CACNA1B: variants seen among roughly 807,000 people sequenced by gnomAD.
The protein encoded by CACNA1B is voltage-dependent N-type calcium channel subunit alpha-1B.
CACNA1B carries 70 observed loss-of-function variants against 247.2 expected under a neutral mutation model. The observed-to-expected ratio is 0.28, with a 90% CI of 0.23 to 0.35. CACNA1B has a LOEUF of 0.35. CACNA1B is among the 10% of genes least tolerant of loss of function. CACNA1B has a pLI of 1.00. For synonymous variants in CACNA1B, 1,231 were observed against 1,294.4 expected, an observed-to-expected ratio of 0.95 and a Z score of 1.05; for missense variants, 2,367 against 3,197.4, an observed-to-expected ratio of 0.74 and a Z score of 6.26.
At chr9:137,959,211 T>TA (rs1460136743) in intron 10 of CACNA1B, among the ~76,000 whole-genome samples, 1 of 152,114 alleles carries the variant, frequency 6.6e-6, no homozygotes, top group Non-Finnish European at 1.5e-5. Context: ...TAGCTGGGAT[T>TA]ATAGGCATGC....
chr9:138,006,416 C>T (rs1327227112), intron 15 of CACNA1B, among the ~76,000 whole-genome samples: 4 of 152,154 alleles, frequency 2.6e-5, no homozygotes, highest in Admixed American at 1.3e-4. Flanking sequence ...ACTGCAGTGA[C>T]GTGGATGGCG....
intron 15 of CACNA1B, among the ~76,000 whole-genome samples, chr9:137,987,419 A>G (rs1443839963): frequency 4.6e-5 from 7 of 152,072 alleles, no homozygotes; most frequent in Admixed American, 4.6e-4. Flanking sequence ...CTCCCCTTCC[A>G]TAGGCTGTGG....
Position 137,971,651 on chromosome 9 carries a change from A to G in CACNA1B, c.1543+59A>G. On this transcript the variant is annotated intron_variant, in intron 11 of 46. Transcript: ENST00000371372. The surrounding 1 kb of genome is among the most constrained non-coding windows in gnomAD (Gnocchi z 4.4). ...TGAGCATCTCTGCTCTCAGTCTGGA[A>G]ACCCTGGTCCATGCCCTGGGGCTAC... 6.8e-7 allele frequency: 1 copy of G among 1,460,544 alleles called. No homozygotes were observed. 90.5% of individuals were successfully genotyped at this position (1,460,544 alleles called of 1,614,324 possible).
chr9:137,939,229 A>AT lies in CACNA1B; in HGVS notation c.967-13042dup, dbSNP rs570969165. Among the ~76,000 whole-genome samples, 378 of 152,330 alleles carry AT rather than the reference A, an allele frequency of 2.5e-3. 1 individual carries two copies. The highest frequency in any genetic ancestry group is 4.2e-3 in the Non-Finnish European group (286 of 68,014). ...CCTGGAACAAATGGACTTAACAGGT[A>AT]TTTACAGAACATTCTAGCCAACAAC... On this transcript the variant is annotated intron_variant, in intron 6 of 46. Transcript: ENST00000371372.
chr9:137,964,283 A>T (rs1958051721), intron 10 of CACNA1B, among the ~76,000 whole-genome samples: 1 of 152,180 alleles, frequency 6.6e-6, no homozygotes, highest in Non-Finnish European at 1.5e-5. Context: ...CCTGAAGTAC[A>T]TTTTCCAACT....
Position 138,059,803 on chromosome 9 carries a change from C to CA in CACNA1B, c.4668+67dup. On this transcript the variant is annotated intron_variant, in intron 31 of 46. Coordinates refer to ENST00000371372, the MANE Select transcript of CACNA1B (RefSeq NM_000718.4). This position sits in a 1 kb window ranked among gnomAD's most constrained non-coding sequence, Gnocchi z 4.2. ...GTTTCCTTCTAGAGCCTGCTCCCCT[C>CA]AGTGCATCTCCAGGCCCTGTGTTAG... The CA allele has an allele frequency of 1.1e-6, 1 of 890,936 alleles. No homozygotes were observed. The highest frequency in any genetic ancestry group is 1.9e-6 in the Non-Finnish European group (1 of 525,486). 55.2% of individuals were successfully genotyped at this position (890,936 alleles called of 1,614,324 possible).
In CACNA1B at chr9:137,896,782, C is replaced by A. The variant is rs12349387; in HGVS notation, c.530+13899C>A. ...TTCCTTTTTGGGAGCTTTCAAGTTA[C>A]GCATTCACTTTCCTTACGAGTTATG... On this transcript the variant is annotated intron_variant, in intron 3 of 46. Transcript: ENST00000371372. Among the ~76,000 whole-genome samples the A allele has an allele frequency of 5.6e-4, 85 of 151,560 alleles. 1 individual carries two copies. The highest frequency in any genetic ancestry group is 2.0e-3 in the African/African-American group (81 of 41,002).
At chr9:137,918,044 G>T (rs532910170) in intron 6 of CACNA1B, among the ~76,000 whole-genome samples, 1 of 152,346 alleles carries the variant, frequency 6.6e-6, no homozygotes, top group South Asian at 2.1e-4. Context: ...GTCACGCAGG[G>T]ATTCTTAGAG....
At position 138,006,817 on chromosome 9, in the gene CACNA1B, G is replaced by T; in HGVS notation, c.2025G>T (p.Ser675=). Residue 675 remains serine (S), a synonymous_variant, in exon 16 of 47, where the codon TCG becomes TCT. Coordinates refer to ENST00000371372, the MANE Select transcript of CACNA1B (RefSeq NM_000718.4). ...WNAVMYHGIE[S]QGGVSKGMFS... ...CAGTGATGTATCACGGGATCGAATC[G>T]CAAGGCGGCGTCAGCAAAGGCATGT... The T allele has an allele frequency of 1.2e-6, 2 of 1,611,806 alleles. No homozygotes were observed. Among genetic ancestry groups the T allele is most frequent in the Admixed American group, 1.7e-5 (1 of 60,016 alleles).
In CACNA1B at chr9:138,023,265, C is replaced by T; in HGVS notation, c.2522C>T (p.Ala841Val). 1 of 1,514,980 alleles carries T rather than the reference C, an allele frequency of 6.6e-7. No individual in the cohort carries two copies. Among genetic ancestry groups the T allele is most frequent in the Non-Finnish European group, 8.8e-7 (1 of 1,139,842 alleles). 93.8% of individuals were successfully genotyped at this position (1,514,980 alleles called of 1,614,324 possible). Residue 841 changes from alanine to valine, a missense_variant, in exon 19 of 47, where the codon GCC (alanine) becomes GTC (valine). Physicochemically the swap from Ala to Val is moderately conservative, Grantham distance 64 (BLOSUM62 0). Transcript: ENST00000371372. ...GGKARPEAAEAPEGVDPPRRH... is the reference protein window; with the variant it reads ...GGKARPEAAEVPEGVDPPRRH... Reference sequence around the variant, plus strand: ...AAAGCCCGACCTGAGGCTGCGGAGGCCCCCGAGGGCGTCGACCCTCCGCGC... The same window carrying T: ...AAAGCCCGACCTGAGGCTGCGGAGGTCCCCGAGGGCGTCGACCCTCCGCGC...
In CACNA1B at chr9:137,975,989, C is replaced by G; in HGVS notation, c.1626C>G (p.Phe542Leu). 1 of 1,612,546 alleles carries G rather than the reference C, an allele frequency of 6.2e-7. No homozygotes were observed. The highest frequency in any genetic ancestry group is 1.3e-5 in the African/African-American group (1 of 75,036). The change falls in exon 12 of 47, where the codon TTC becomes TTG. Residue 542 changes from phenylalanine (F) to leucine (L), a missense_variant. Physicochemically the swap from Phe to Leu is conservative, Grantham distance 22. Transcript: ENST00000371372. ...KMYGLGPRSYFRSSFNCFDFG... is the reference protein window; with the variant it reads ...KMYGLGPRSYLRSSFNCFDFG... ...ATGGCCTGGGGCCCAGAAGCTACTT[C>G]CGGTCCTCCTTCAACTGCTTCGACT...
chr9:138,053,157 A>G (rs923011184), intron 25 of CACNA1B, among the ~76,000 whole-genome samples: 1 of 152,182 alleles, frequency 6.6e-6, no homozygotes, highest in African/African-American at 2.4e-5. Context: ...GCAGGGTGCA[A>G]GTGCAGGGCA....
Position 138,043,811 on chromosome 9 carries a change from G to A in CACNA1B, c.3324G>A (p.Lys1108=), listed in dbSNP as rs374929793. 7.1e-5 allele frequency: 115 copies of A among 1,613,948 alleles called. No individual in the cohort carries two copies. The African/African-American group carries it at 1.3e-3, about 19-fold the overall frequency. The change falls in exon 21 of 47, where the codon AAG becomes AAA. Residue 1108 remains lysine, a synonymous_variant. Coordinates refer to ENST00000371372, the MANE Select transcript of CACNA1B (RefSeq NM_000718.4). ...ACCTGGAAAGCCAAGCAGAGGGGAA[G>A]AAGGAGGTGGAAGCGGATGACGTGA... ...NVDLESQAEG[K]KEVEADDVMR...
chr9:138,054,093 T>G lies in CACNA1B; in HGVS notation c.3968+87T>G. On this transcript the variant is annotated intron_variant, in intron 26 of 46. Coordinates refer to ENST00000371372, the MANE Select transcript of CACNA1B (RefSeq NM_000718.4). This position sits in a 1 kb window ranked among gnomAD's most constrained non-coding sequence, Gnocchi z 4.6. ...TTCCCTTGGGACCAGGTGGAGCTGG[T>G]CACACGGCGTGGGAGACTCCACTGC... 7.7e-7 allele frequency: 1 copy of G among 1,301,972 alleles called. No homozygotes were observed. Among genetic ancestry groups the G allele is most frequent in the Non-Finnish European group, 1.1e-6 (1 of 906,904 alleles). 80.7% of individuals were successfully genotyped at this position (1,301,972 alleles called of 1,614,324 possible).
Position 138,121,431 on chromosome 9 carries a change from T to C in CACNA1B, c.6490-38T>C. 2 of 1,408,352 alleles carry C rather than the reference T, an allele frequency of 1.4e-6. No individual in the cohort carries two copies. The highest frequency in any genetic ancestry group is 1.9e-6 in the Non-Finnish European group (2 of 1,063,288). 87.2% of individuals were successfully genotyped at this position (1,408,352 alleles called of 1,614,324 possible). ...TGTTGGTTCGGCTTTTTTTTTTTTT[T>C]TTTTACCTCTGATTTGTTCTGGTCC... On this transcript the variant is annotated intron_variant, in intron 46 of 46. Transcript: ENST00000371372. The surrounding 1 kb of genome is among the most constrained non-coding windows in gnomAD (Gnocchi z 6.8).
intron 35 of CACNA1B, among the ~76,000 whole-genome samples, chr9:138,077,155 G>A (rs762311940): frequency 1.3e-5 from 2 of 152,196 alleles, no homozygotes; most frequent in Non-Finnish European, 2.9e-5. Context: ...TGAAGCAGCA[G>A]CCCTGCAGGA....
chr9:138,101,927 C>T (rs966795002), intron 37 of CACNA1B, among the ~76,000 whole-genome samples: 2 of 152,182 alleles, frequency 1.3e-5, no homozygotes, highest in Admixed American at 6.5e-5. Context: ...ACTCTGTCAT[C>T]GGAGCCTTTA....
intron 15 of CACNA1B, among the ~76,000 whole-genome samples, chr9:138,003,874 G>T (rs1365572379): frequency 6.9e-6 from 1 of 144,942 alleles, no homozygotes; most frequent in African/African-American, 2.6e-5. Context: ...CTCCCACCTT[G>T]GCCTCCCAAA....
In CACNA1B at chr9:137,919,340, G is replaced by A. The variant is rs535763669; in HGVS notation, c.966+1909G>A. Among the ~76,000 whole-genome samples the A allele has an allele frequency of 7.2e-5, 11 of 152,362 alleles. No individual in the cohort carries two copies. Among genetic ancestry groups the A allele is most frequent in the African/African-American group, 1.9e-4 (8 of 41,582 alleles). ...AAGAGGTTGAGGAGCAGGCAGTGAC[G>A]AGGTACAGGGTACTGGGAGGGCAAG... On this transcript the variant is annotated intron_variant, in intron 6 of 46. Transcript: ENST00000371372. This position sits in a 1 kb window ranked among gnomAD's most constrained non-coding sequence, Gnocchi z 4.6.
Sources: gnomAD v4.1 joint callset for allele counts (sites outside exome capture counted in the v4.1 genomes callset) on GRCh38, gnomAD v4.1.1 for gene constraint, Gnocchi (gnomAD v3.1) non-coding constraint, MANE v1.5 for transcripts, NCBI Gene and HGNC (gene_info 2026-07-23, HGNC 2026-07-21) for gene names.